The following THSD4 variants were observed in gnomAD, a reference collection of about 807,000 sequenced individuals.
THSD4 encodes thrombospondin type 1 domain containing 4, also known as thrombospondin type-1 domain-containing protein 4.
Under a neutral mutation model 119.0 loss-of-function variants are expected in THSD4, and 69 were observed. The ratio of observed to expected loss-of-function variants is 0.58; its 90% CI spans 0.48 to 0.71. THSD4 has a LOEUF of 0.71. Ranked by LOEUF, THSD4 falls within the 30% of genes least tolerant of loss-of-function variation. The pLI, the probability that THSD4 is intolerant of heterozygous loss-of-function variation, is 0.00. For missense variants in THSD4, 1,393 were observed against 1,391.1 expected, an observed-to-expected ratio of 1.00 and a Z score of -0.02; for synonymous variants, 524 against 540.4, an observed-to-expected ratio of 0.97 and a Z score of 0.42.
rs149587023 is a variant in THSD4 at position 71,653,089 on chromosome 15, T to C, written c.1153-7441T>C. On this transcript the variant is annotated intron_variant, in intron 7 of 17. Coordinates refer to ENST00000261862, the MANE Select transcript of THSD4 (RefSeq NM_024817.3). ...TCCTGTAACTTTGATCTTTTGATTCTTCAACCAGCTGCTCTTTCATTCAAC... is the reference window on the plus strand; with the variant it reads ...TCCTGTAACTTTGATCTTTTGATTCCTCAACCAGCTGCTCTTTCATTCAAC... 2.6e-5 allele frequency among the ~76,000 whole-genome samples: 4 copies of C among 152,316 alleles called. No individual in the cohort carries two copies. The East Asian group carries it at 7.7e-4, about 29-fold the overall frequency.
intron 3 of THSD4, among the ~76,000 whole-genome samples, chr15:71,159,973 A>G (rs1410141707): frequency 6.6e-6 from 1 of 152,026 alleles, no homozygotes; most frequent in Non-Finnish European, 1.5e-5. Context: ...TACGACCTTT[A>G]TTGTGTTATG....
chr15:71,327,513 T>G (rs1247540483), intron 6 of THSD4, among the ~76,000 whole-genome samples: 1 of 152,236 alleles, frequency 6.6e-6, no homozygotes, highest in Non-Finnish European at 1.5e-5. Flanking sequence ...ATTTTGTCTA[T>G]GAAAGTTTCA....
At chr15:71,458,849 T>C (rs1025518798) in intron 7 of THSD4, among the ~76,000 whole-genome samples, 7 of 152,218 alleles carry the variant, frequency 4.6e-5, no homozygotes, top group African/African-American at 1.7e-4. Context: ...AACTTTAGGT[T>C]ATAGTCTTTC....
chr15:71,341,710 C>G, intron 6 of THSD4: 2 of 1,121,558 alleles, frequency 1.8e-6, no homozygotes, highest in Non-Finnish European at 2.7e-6. Context: ...AATAGCGAAC[C>G]ATTTTCACAG....
At chr15:71,533,702 T>A (rs1320007625) in intron 7 of THSD4, among the ~76,000 whole-genome samples, 1 of 152,038 alleles carries the variant, frequency 6.6e-6, no homozygotes, top group Non-Finnish European at 1.5e-5. Context: ...CCCACCTGAC[T>A]AGTAGGAGAA....
chr15:71,596,622 A>G (rs1041211144), intron 7 of THSD4, among the ~76,000 whole-genome samples: 2 of 152,226 alleles, frequency 1.3e-5, no homozygotes, highest in African/African-American at 2.4e-5. Flanking sequence ...TTTGAATTCT[A>G]AAGTTTCCTG....
chr15:71,215,194 C>A lies in THSD4; in HGVS notation c.259C>A (p.Leu87Met). The A allele has an allele frequency of 7.4e-7, 1 of 1,360,210 alleles. No individual in the cohort carries two copies. The highest frequency in any genetic ancestry group is 9.4e-7 in the Non-Finnish European group (1 of 1,060,506). 84.3% of individuals were successfully genotyped at this position (1,360,210 alleles called of 1,614,324 possible). ...TRPCLPRSYR[L>M]RGGQRPGAPA... ...GCCCTGCCTGCCCCGCTCCTACCGC[C>A]TGCGCGGCGGCCAGCGGCCTGGCGC... The change falls in exon 4 of 18, where the codon CTG (leucine) becomes ATG (methionine). Residue 87 changes from leucine to methionine, a missense_variant. Leu to Met is a conservative substitution (Grantham distance 15, BLOSUM62 2). Coordinates refer to ENST00000261862, the MANE Select transcript of THSD4 (RefSeq NM_024817.3).
chr15:71,135,886 T>G lies in THSD4; in HGVS notation c.-79-5563T>G, dbSNP rs150532308. ...CCCCTGTTGGCTCTGAGGGCCTTAT[T>G]GGATCCCCGGTCCTGTCCTCTGTCA... On this transcript the variant is annotated intron_variant, in intron 1 of 17. Transcript: ENST00000261862. Among the ~76,000 whole-genome samples the G allele has an allele frequency of 7.7e-3, 1,178 of 152,208 alleles. 10 individuals carry two copies. The highest frequency in any genetic ancestry group is 0.017 in the Middle Eastern group (5 of 294).
chr15:71,650,641 C>T (rs1268962135), intron 7 of THSD4, among the ~76,000 whole-genome samples: 2 of 152,124 alleles, frequency 1.3e-5, no homozygotes, highest in Admixed American at 1.3e-4. Flanking sequence ...GAGAGCCAGC[C>T]GGAAGACACG....
At chr15:71,757,845 G>A (rs2141194757) in intron 14 of THSD4, 57 bp from the exon 15 acceptor site, 3 of 1,597,102 alleles carry the variant, frequency 1.9e-6, no homozygotes, top group Non-Finnish European at 2.6e-6. Flanking sequence ...TCATTTGAAA[G>A]TGGCTTCAGC....
At chr15:71,208,987 A>G (rs569845976) in intron 3 of THSD4, among the ~76,000 whole-genome samples, 26 of 152,290 alleles carry the variant, frequency 1.7e-4, no homozygotes, top group South Asian at 1.7e-3. Flanking sequence ...AGGGCAGGTC[A>G]TAATCTCTTG....
At chr15:71,451,181 GA>G (rs1194465496) in intron 7 of THSD4, among the ~76,000 whole-genome samples, 1 of 151,562 alleles carries the variant, frequency 6.6e-6, no homozygotes, top group Non-Finnish European at 1.5e-5. Flanking sequence ...CCCTCTCAAA[GA>G]AAAAAAAGGG....
At chr15:71,767,983 A>G (rs2053743438) in intron 16 of THSD4, among the ~76,000 whole-genome samples, 1 of 152,178 alleles carries the variant, frequency 6.6e-6, no homozygotes, top group Non-Finnish European at 1.5e-5. Flanking sequence ...TCCATTTACA[A>G]TGAAGTTTAT....
At chr15:71,372,654 G>A (rs752785981) in intron 6 of THSD4, among the ~76,000 whole-genome samples, 19 of 152,254 alleles carry the variant, frequency 1.2e-4, no homozygotes, top group Non-Finnish European at 2.5e-4. Context: ...CGTCTCAGAG[G>A]GGTACCTGGC....
intron 1 of THSD4, among the ~76,000 whole-genome samples, chr15:71,125,493 A>C (rs540695939): frequency 3.7e-4 from 57 of 152,364 alleles, no homozygotes; most frequent in Non-Finnish European, 6.5e-4. Flanking sequence ...CATGCAATAA[A>C]GTCACTAACC....
At chr15:71,422,592 G>A (rs138489268) in intron 7 of THSD4, among the ~76,000 whole-genome samples, 2 of 152,296 alleles carry the variant, frequency 1.3e-5, no homozygotes, top group East Asian at 3.9e-4. Flanking sequence ...GGGGTGACAT[G>A]AGCACCCCTG....
At chr15:71,472,907 C>T (rs1253939530) in intron 7 of THSD4, among the ~76,000 whole-genome samples, 1 of 152,162 alleles carries the variant, frequency 6.6e-6, no homozygotes, top group African/African-American at 2.4e-5. Context: ...TTTTATGTAA[C>T]TCTGGCACGG....
chr15:71,341,068 G>T, intron 6 of THSD4: 2 of 932,716 alleles, frequency 2.1e-6, no homozygotes, highest in Admixed American at 2.3e-5. Flanking sequence ...TTCTTTTGTT[G>T]CCTTGCCTTT....
chr15:71,578,878 G>T (rs2049506504), intron 7 of THSD4, among the ~76,000 whole-genome samples: 1 of 129,232 alleles, frequency 7.7e-6, no homozygotes, highest in Admixed American at 9.2e-5. Context: ...GAGTCTTGCT[G>T]TGTCGCCCAG....
Sources: gnomAD v4.1 joint callset for allele counts (sites outside exome capture counted in the v4.1 genomes callset) on GRCh38, gnomAD v4.1.1 for gene constraint, MANE v1.5 for transcripts, NCBI Gene and HGNC (gene_info 2026-07-23, HGNC 2026-07-21) for gene names.